The following FOXN1 variants were observed in gnomAD, a reference collection of about 807,000 sequenced individuals.
FOXN1 encodes forkhead box protein N1.
Under a neutral mutation model 49.0 loss-of-function variants are expected in FOXN1, and 15 were observed. That is an observed-to-expected ratio of 0.31 (90% CI 0.20 to 0.47). The LOEUF is 0.47. Ranked by LOEUF, FOXN1 falls within the 20% of genes least tolerant of loss-of-function variation. The pLI is 1.00. For synonymous variants in FOXN1, 356 were observed against 369.0 expected (o/e 0.96, Z 0.40); for missense variants, 800 against 842.8 (o/e 0.95, Z 0.63).
intron 1 of FOXN1, among the ~76,000 whole-genome samples, chr17:28,523,083 G>A (rs1423281977): frequency 6.6e-6 from 1 of 152,226 alleles, no homozygotes; most frequent in Non-Finnish European, 1.5e-5. Flanking sequence ...TGAGGCCTGA[G>A]TCCTCTTAAC....
chr17:28,530,375 G>A (rs1325961818), intron 5 of FOXN1, among the ~76,000 whole-genome samples: 1 of 152,202 alleles, frequency 6.6e-6, no homozygotes, highest in Admixed American at 6.5e-5. Context: ...GGACTAACTA[G>A]TAATGACAGC....
rs1445214604 is a variant in FOXN1, at chr17:28,529,211, A to T, written c.817A>T (p.Ile273Phe). The T allele has an allele frequency of 2.5e-6, 4 of 1,614,052 alleles. No homozygotes were observed. The South Asian group carries it at 4.4e-5, about 18-fold the overall frequency. Residue 273 changes from isoleucine to phenylalanine, a missense_variant, in exon 5 of 9, where the codon ATC becomes TTC. Coordinates refer to ENST00000579795, the MANE Select transcript of FOXN1 (RefSeq NM_001369369.1). The stretch of plus-strand genomic sequence containing the variant: ...GCACCAGCCTCTCTTCCCAAAACCC[A>T]TCTATTCCTACAGGTACATTTCCCA... ...DGHQPLFPKP[I>F]YSYSILIFMA... is the part of the protein sequence containing the mutation.
intron 1 of FOXN1, among the ~76,000 whole-genome samples, chr17:28,519,436 C>A (rs1022728576): frequency 6.6e-6 from 1 of 152,022 alleles, no homozygotes; most frequent in African/African-American, 2.4e-5. Context: ...AGCCTCTAGT[C>A]CAGGAAGCAG....
chr17:28,534,661 G>A lies in FOXN1; in HGVS notation c.1136-46G>A. The A allele has an allele frequency of 6.2e-7, 1 of 1,612,404 alleles. No individual in the cohort carries two copies. ...AGGGTTCCAGTCTGGGGAAGACTGT[G>A]GAGGAGGGAGGTCTCATGGTGTTCT... On this transcript the variant is annotated intron_variant, in intron 7 of 8. Transcript: ENST00000579795. The surrounding 1 kb of genome is among the most constrained non-coding windows in gnomAD (Gnocchi z 4.1).
At chr17:28,520,942 GC>G (rs953043666) in intron 1 of FOXN1, among the ~76,000 whole-genome samples, 87 of 152,286 alleles carry the variant, frequency 5.7e-4, no homozygotes, top group African/African-American at 2.1e-3. Flanking sequence ...TCAGCCAATC[GC>G]CCCAGGACTG....
chr17:28,524,754 G>A lies in FOXN1; in HGVS notation c.375G>A (p.Pro125=), dbSNP rs149614149. 1.2e-4 allele frequency: 191 copies of A among 1,613,094 alleles called. No individual in the cohort carries two copies. The highest frequency in any genetic ancestry group is 1.5e-4 in the Non-Finnish European group (172 of 1,179,736). The change falls in exon 3 of 9, where the codon CCG becomes CCA. Residue 125 remains proline, a synonymous_variant. Coordinates refer to ENST00000579795, the MANE Select transcript of FOXN1 (RefSeq NM_001369369.1). The part of the protein sequence containing the change: ...FLKGSHAPFH[P]YKRPFHEDVF... Reference sequence around the variant, plus strand: ...AGGGCAGCCACGCGCCCTTCCACCCGTACAAGCGGCCTTTCCATGAGGACG... The same window carrying A: ...AGGGCAGCCACGCGCCCTTCCACCCATACAAGCGGCCTTTCCATGAGGACG...
rs768418468 is a variant in FOXN1, at chr17:28,534,967, G to A, written c.1396G>A (p.Gly466Arg). 6.2e-7 allele frequency: 1 copy of A among 1,613,988 alleles called. No individual in the cohort carries two copies. Among genetic ancestry groups the A allele is most frequent in the Non-Finnish European group, 8.5e-7 (1 of 1,179,960 alleles). The change falls in exon 8 of 9, where the codon GGA becomes AGA. Residue 466 changes from glycine to arginine, a missense_variant. Gly to Arg is a moderately radical substitution (Grantham distance 125). This residue lies in a region of FOXN1 where 344 missense variants were observed against 366.1 expected (regional missense o/e 0.94). Transcript: ENST00000579795. This position sits in a 1 kb window ranked among gnomAD's most constrained non-coding sequence, Gnocchi z 4.1. ...CCTCTCACCAGGCCTGGCCCCTCCT[G>A]GACCCCCGCAGCCATTGTTCCCACA... ...LHLSPGLAPP[G>R]PPQPLFPQPD...
intron 8 of FOXN1, among the ~76,000 whole-genome samples, chr17:28,536,510 C>T (rs1212313238): frequency 6.6e-6 from 1 of 152,136 alleles, no homozygotes; most frequent in African/African-American, 2.4e-5. Context: ...AAATCCAATC[C>T]AGGGTTTAGT....
chr17:28,519,006 A>G (rs986387350), intron 1 of FOXN1, among the ~76,000 whole-genome samples: 1 of 152,184 alleles, frequency 6.6e-6, no homozygotes, highest in African/African-American at 2.4e-5. Context: ...GCTAATTTCC[A>G]TGGGCAAATA....
At chr17:28,531,497 C>T (rs958512313) in intron 6 of FOXN1, among the ~76,000 whole-genome samples, 5 of 152,172 alleles carry the variant, frequency 3.3e-5, no homozygotes, top group Non-Finnish European at 7.4e-5. Context: ...GGGCTCTTCT[C>T]CCAAGGTGGA....
intron 6 of FOXN1, among the ~76,000 whole-genome samples, chr17:28,532,360 T>C (rs927199111): frequency 6.6e-6 from 1 of 152,232 alleles, no homozygotes; most frequent in African/African-American, 2.4e-5. Context: ...AGAAAGCATC[T>C]GTGAGGATGG....
chr17:28,520,339 C>T (rs1346622007), intron 1 of FOXN1, among the ~76,000 whole-genome samples: 1 of 152,210 alleles, frequency 6.6e-6, no homozygotes, highest in African/African-American at 2.4e-5. Flanking sequence ...CTGAGGACCC[C>T]CTCTCTCCTG....
chr17:28,528,631 C>T (rs999006398), intron 4 of FOXN1, among the ~76,000 whole-genome samples: 14 of 152,156 alleles, frequency 9.2e-5, no homozygotes, highest in Admixed American at 2.0e-4. Flanking sequence ...CCTCCTACCC[C>T]GACCTGTCCA....
rs907070119 is a variant in FOXN1 at position 28,524,884 on chromosome 17, G to A, written c.505G>A (p.Glu169Lys). ...EEIPVDVAEA[E>K]AFLPGFSAEA... ...GATCCCAGTGGACGTGGCGGAGGCC[G>A]AGGCCTTCCTGCCTGGCTTCTCAGC... The change falls in exon 3 of 9, where the codon GAG (glutamate) becomes AAG (lysine). Residue 169 changes from glutamate (E) to lysine (K), a missense_variant. By Grantham distance (56) the Glu-to-Lys change is moderately conservative. Around this residue, in one of 3 missense-constraint regions of FOXN1, gnomAD observed 383 missense variants for 357.9 expected, o/e 1.07. Transcript: ENST00000579795. 21 of 1,613,466 alleles carry A rather than the reference G, an allele frequency of 1.3e-5. No homozygotes were observed. The highest frequency in any genetic ancestry group is 1.7e-4 in the Middle Eastern group (1 of 6,050).
At position 28,524,111 on chromosome 17, in the gene FOXN1, G is replaced by A. The variant is rs1271833285; in HGVS notation, c.123+19G>A. On this transcript the variant is annotated intron_variant, in intron 2 of 8. Transcript: ENST00000579795. ...ACAGAGTGTAAGTACCCGGCATCTG[G>A]GCCTGGGTTTAGGCCAAGGCCTGCG... 1 of 1,575,622 alleles carries A rather than the reference G, an allele frequency of 6.3e-7. No homozygotes were observed. Among genetic ancestry groups the A allele is most frequent in the East Asian group, 2.3e-5 (1 of 43,032 alleles).
chr17:28,536,887 A>G (rs764551048), intron 8 of FOXN1, among the ~76,000 whole-genome samples: 2 of 151,564 alleles, frequency 1.3e-5, no homozygotes, highest in Non-Finnish European at 2.9e-5. Context: ...AAAGAACCAC[A>G]GAGGTCATCT....
At position 28,538,305 on chromosome 17, in the gene FOXN1, A is replaced by G. The variant is rs2070120826; in HGVS notation, c.*869A>G. The G allele has an allele frequency of 6.6e-6, 1 of 152,180 alleles. No homozygotes were observed. Among genetic ancestry groups the G allele is most frequent in the Non-Finnish European group, 1.5e-5 (1 of 68,042 alleles). 9.4% of individuals were successfully genotyped at this position (152,180 alleles called of 1,614,324 possible). ...CACCACAATCTCACTCCTCCTCCAG[A>G]AAGAAAAGTTCACATAGTTTAGGTC... On this transcript the variant is annotated 3_prime_UTR_variant, in exon 9 of 9. Transcript: ENST00000579795.
chr17:28,511,415 A>G (rs548073731), intron 1 of FOXN1, among the ~76,000 whole-genome samples: 186 of 152,260 alleles, frequency 1.2e-3, no homozygotes, highest in African/African-American at 4.2e-3. Flanking sequence ...ACTCAGGTGG[A>G]CAGGCAAAGA....
At chr17:28,532,726 C>G (rs1415248146) in intron 6 of FOXN1, among the ~76,000 whole-genome samples, 1 of 152,198 alleles carries the variant, frequency 6.6e-6, no homozygotes, top group Non-Finnish European at 1.5e-5. Context: ...TGTGGGCATC[C>G]CATAGCCCCA....
Sources: allele counts gnomAD v4.1 joint callset (sites outside exome capture counted in the v4.1 genomes callset), GRCh38; gene constraint gnomAD v4.1.1; regional missense constraint gnomAD v4.1.1; non-coding constraint Gnocchi (gnomAD v3.1); transcripts MANE v1.5; gene names NCBI Gene and HGNC (gene_info 2026-07-23, HGNC 2026-07-21).